Variants in ASAP1 observed in about 807,000 individuals in gnomAD.
The protein encoded by ASAP1 is arf-GAP with SH3 domain, ANK repeat and PH domain-containing protein 1.
A neutral mutation model predicts 145.2 loss-of-function variants in ASAP1; 43 were observed. The observed-to-expected ratio is 0.30, with a 90% CI of 0.23 to 0.38. The LOEUF (loss-of-function observed/expected upper bound fraction) is 0.38. Among genes scored for constraint, ASAP1 ranks in the 10% least tolerant of loss-of-function variants. ASAP1 has a pLI of 1.00. For missense variants in ASAP1, 1,018 were observed against 1,355.3 expected (o/e 0.75, Z 3.91); for synonymous variants, 546 against 515.5 (o/e 1.06, Z -0.80).
At chr8:130,058,873 C>T (rs903184048) in intron 28 of ASAP1, among the ~76,000 whole-genome samples, 1 of 152,148 alleles carries the variant, frequency 6.6e-6, no homozygotes, top group African/African-American at 2.4e-5. Context: ...CCTTCTGGGC[C>T]GTGCGGGTGG....
intron 24 of ASAP1, among the ~76,000 whole-genome samples, chr8:130,103,265 T>C (rs895295134): frequency 1.3e-5 from 2 of 152,096 alleles, no homozygotes; most frequent in Non-Finnish European, 2.9e-5. Flanking sequence ...TCCTTTTTCA[T>C]TTCTAATCTT....
At chr8:130,056,943 G>A (rs182304307) in intron 29 of ASAP1, among the ~76,000 whole-genome samples, 4 of 152,346 alleles carry the variant, frequency 2.6e-5, no homozygotes, top group Non-Finnish European at 4.4e-5. Flanking sequence ...CAATAGATGT[G>A]TGGACTGCCC....
intron 2 of ASAP1, among the ~76,000 whole-genome samples, chr8:130,359,179 T>A (rs985929685): frequency 1.8e-4 from 28 of 151,992 alleles, no homozygotes; most frequent in Admixed American, 1.1e-3. Context: ...TGGGGGCTTT[T>A]AAAAAAAATA....
chr8:130,386,873 G>A (rs951963662), intron 2 of ASAP1: 1 of 152,188 alleles, frequency 6.6e-6, no homozygotes, highest in African/African-American at 2.4e-5. Flanking sequence ...AAGCATGTTT[G>A]CACCGTGGAA....
chr8:130,108,288 G>A (rs1166390501), intron 24 of ASAP1, among the ~76,000 whole-genome samples: 1 of 152,208 alleles, frequency 6.6e-6, no homozygotes, highest in Non-Finnish European at 1.5e-5. Context: ...GCTATATAAT[G>A]CCTGATTCTA....
chr8:130,181,163 GATT>G (rs1565059197), intron 7 of ASAP1, among the ~76,000 whole-genome samples: 2 of 152,160 alleles, frequency 1.3e-5, no homozygotes, highest in African/African-American at 4.8e-5. Flanking sequence ...AAAAGCCACT[GATT>G]ATTAATTCCT....
chr8:130,389,826 A>G (rs1338272804), intron 2 of ASAP1, among the ~76,000 whole-genome samples: 1 of 152,096 alleles, frequency 6.6e-6, no homozygotes, highest in East Asian at 1.9e-4. Context: ...TCAGCCTCCC[A>G]ACTACCTGGG....
intron 3 of ASAP1, among the ~76,000 whole-genome samples, chr8:130,315,934 CT>C (rs1283425999): frequency 6.6e-6 from 1 of 152,204 alleles, no homozygotes; most frequent in African/African-American, 2.4e-5. Context: ...CTCCCTCTAC[CT>C]GGTTTCATGG....
At chr8:130,238,818 T>C (rs1314845344) in intron 3 of ASAP1, among the ~76,000 whole-genome samples, 1 of 152,038 alleles carries the variant, frequency 6.6e-6, no homozygotes, top group African/African-American at 2.4e-5. Context: ...TACACTTATA[T>C]CTACCAAATC....
At chr8:130,179,516 CA>C (rs1431793432) in intron 8 of ASAP1, among the ~76,000 whole-genome samples, 167 bp from the exon 9 acceptor site, 6 of 152,128 alleles carry the variant, frequency 3.9e-5, no homozygotes, top group Admixed American at 3.3e-4. Flanking sequence ...GTGTTCAAAA[CA>C]AATTGACTAG....
chr8:130,443,143 AC>A (rs1332332544), intron 1 of ASAP1, among the ~76,000 whole-genome samples: 1 of 151,496 alleles, frequency 6.6e-6, no homozygotes, highest in Non-Finnish European at 1.5e-5. Flanking sequence ...GGGACGCGAA[AC>A]CCCCCAGGGC....
chr8:130,340,944 GTTTTTTTTT>G (rs1825340499), intron 3 of ASAP1: 1 of 443,152 alleles, frequency 2.3e-6, no homozygotes, highest in Non-Finnish European at 4.5e-6. Flanking sequence ...AAAATACTAG[GTTTTTTTTT>G]GTTTTTGTTT....
At chr8:130,291,903 T>C (rs1821967920) in intron 3 of ASAP1, among the ~76,000 whole-genome samples, 1 of 152,170 alleles carries the variant, frequency 6.6e-6, no homozygotes, top group Non-Finnish European at 1.5e-5. Context: ...GGAAAGGTAA[T>C]GTGCACGTAT....
At chr8:130,182,636 T>G (rs1044238560) in intron 7 of ASAP1, among the ~76,000 whole-genome samples, 1 of 152,174 alleles carries the variant, frequency 6.6e-6, no homozygotes, top group South Asian at 2.1e-4. Context: ...GGTACCTTGC[T>G]CTGAAATATG....
At chr8:130,356,859 A>G (rs1362127471) in intron 3 of ASAP1, among the ~76,000 whole-genome samples, 94 of 152,268 alleles carry the variant, frequency 6.2e-4, no homozygotes, top group Non-Finnish European at 8.8e-5. Flanking sequence ...GCTTCCCCAT[A>G]TTACAGAGGT....
chr8:130,152,465 ACAAT>A, intron 13 of ASAP1: 1 of 264,954 alleles, frequency 3.8e-6, no homozygotes, highest in Non-Finnish European at 7.0e-6. Flanking sequence ...GTTTTTCAGA[ACAAT>A]CAATATTTCC....
intron 13 of ASAP1, among the ~76,000 whole-genome samples, chr8:130,147,298 C>G (rs1327726488): frequency 1.4e-5 from 2 of 148,142 alleles, no homozygotes; most frequent in African/African-American, 5.0e-5. Flanking sequence ...TAATAGCTGA[C>G]ATTTATTGAG....
intron 18 of ASAP1, 138 bp from the exon 19 acceptor site, chr8:130,118,813 A>G (rs568047805): frequency 3.8e-6 from 2 of 532,604 alleles, no homozygotes; most frequent in East Asian, 6.3e-5. Context: ...ACCAGGTTTT[A>G]GACCAAATTA....
chr8:130,366,464 C>T (rs193201524), intron 2 of ASAP1, among the ~76,000 whole-genome samples: 1 of 152,296 alleles, frequency 6.6e-6, no homozygotes, highest in Non-Finnish European at 1.5e-5. Flanking sequence ...ACAGTTCCTC[C>T]TCCCTTGGTC....
Sources: allele counts gnomAD v4.1 joint callset (sites outside exome capture counted in the v4.1 genomes callset), GRCh38; gene constraint gnomAD v4.1.1; transcripts MANE v1.5; gene names NCBI Gene and HGNC (gene_info 2026-07-23, HGNC 2026-07-21).